The following MED13 variants were observed in gnomAD, a reference collection of about 807,000 sequenced individuals.
The protein encoded by MED13 is mediator complex subunit 13.
Under a neutral mutation model 225.2 loss-of-function variants are expected in MED13, and 23 were observed. The ratio of observed to expected loss-of-function variants is 0.10; its 90% confidence interval spans 0.07 to 0.14. The LOEUF is 0.14. MED13 is among the 10% of genes least tolerant of loss of function. MED13 has a pLI of 1.00. For synonymous variants in MED13, 942 were observed against 889.2 expected (o/e 1.06, Z -1.06); for missense variants, 2,197 against 2,594.5 (o/e 0.85, Z 3.33).
intron 9 of MED13, among the ~76,000 whole-genome samples, chr17:61,997,502 C>T (rs1385296248): frequency 6.6e-6 from 1 of 152,042 alleles, no homozygotes; most frequent in Non-Finnish European, 1.5e-5. Flanking sequence ...TTCACTAATG[C>T]AAATCTTTTT....
chr17:62,048,777 TAA>T (rs1318782152), intron 3 of MED13, among the ~76,000 whole-genome samples: 2 of 151,888 alleles, frequency 1.3e-5, no homozygotes. Context: ...AGGCACCCAA[TAA>T]AAAGAGTCAA....
At chr17:62,021,787 T>C (rs890780616) in intron 8 of MED13, among the ~76,000 whole-genome samples, 2 of 152,166 alleles carry the variant, frequency 1.3e-5, no homozygotes, top group South Asian at 4.2e-4. Flanking sequence ...CGTACTTAAA[T>C]AGCCCTCTCG....
chr17:61,967,442 G>T (rs2080068522), intron 18 of MED13, among the ~76,000 whole-genome samples: 1 of 152,172 alleles, frequency 6.6e-6, no homozygotes, highest in Non-Finnish European at 1.5e-5. Context: ...CTAACATTCA[G>T]ATTGTATAAG....
At chr17:61,999,300 GTTCT>G (rs768914404) in intron 9 of MED13, among the ~76,000 whole-genome samples, 1 of 152,118 alleles carries the variant, frequency 6.6e-6, no homozygotes, top group African/African-American at 2.4e-5. Flanking sequence ...CTCAAATACA[GTTCT>G]TTCTTTGCTC....
chr17:62,039,758 G>GT (rs931131842), intron 3 of MED13, among the ~76,000 whole-genome samples: 12 of 151,692 alleles, frequency 7.9e-5, no homozygotes, highest in Middle Eastern at 3.4e-3. Context: ...CGTCCGGCTA[G>GT]TTTTTTTTGT....
At chr17:62,039,188 T>A (rs2080831527) in intron 3 of MED13, among the ~76,000 whole-genome samples, 1 of 152,178 alleles carries the variant, frequency 6.6e-6, no homozygotes, top group African/African-American at 2.4e-5. Context: ...CCTCCTATAC[T>A]GCTAGCATGT....
At chr17:62,044,638 AAC>A (rs2080883140) in intron 3 of MED13, among the ~76,000 whole-genome samples, 1 of 152,350 alleles carries the variant, frequency 6.6e-6, no homozygotes, top group Admixed American at 6.5e-5. Context: ...TAGACATACA[AAC>A]ACACATATAT....
At position 61,995,244 on chromosome 17, in the gene MED13, G is replaced by A; in HGVS notation, c.2089C>T (p.Pro697Ser). 2 of 1,613,498 alleles carry A rather than the reference G, an allele frequency of 1.2e-6. No homozygotes were observed. The highest frequency in any genetic ancestry group is 1.7e-6 in the Non-Finnish European group (2 of 1,179,716). The change falls in exon 10 of 30, where the codon CCA becomes TCA. Residue 697 changes from proline to serine, a missense_variant. Around this residue, in one of 12 missense-constraint regions of MED13, gnomAD observed 884 missense variants for 918.5 expected, o/e 0.96. Transcript: ENST00000397786. ...TCATCTCCTTCAACAAATGCATATG[G>A]ATCAATTTTAGGTTCTTGTTCTGCA... is the stretch of plus-strand genomic sequence containing the variant. ...SDAEQEPKIDPYAFVEGDEEF... is the reference protein window; with the variant it reads ...SDAEQEPKIDSYAFVEGDEEF...
intron 11 of MED13, among the ~76,000 whole-genome samples, chr17:61,987,930 T>G (rs1269114642): frequency 6.6e-6 from 1 of 151,374 alleles, no homozygotes; most frequent in Non-Finnish European, 1.5e-5. Context: ...TTTCCTCGAG[T>G]TGGGGTTTTG....
intron 11 of MED13, 56 bp downstream of exon 11, chr17:61,992,484 A>C (rs1261301549): frequency 1.9e-6 from 2 of 1,025,938 alleles, no homozygotes; most frequent in Non-Finnish European, 3.1e-6. Flanking sequence ...ATATCAGATC[A>C]GTCTGTAGTA....
At chr17:62,002,989 A>C (rs1010756658) in intron 9 of MED13, among the ~76,000 whole-genome samples, 1 of 152,228 alleles carries the variant, frequency 6.6e-6, no homozygotes, top group Non-Finnish European at 1.5e-5. Context: ...ATTTCTACCT[A>C]CTAGGTGCCA....
intron 8 of MED13, among the ~76,000 whole-genome samples, chr17:62,027,835 T>C (rs1341856388): frequency 2.0e-5 from 3 of 152,180 alleles, no homozygotes; most frequent in Admixed American, 6.5e-5. Flanking sequence ...CACTGATCAT[T>C]AGAGAAATGC....
rs780261465 is a variant in MED13 at position 61,965,166 on chromosome 17, C to T, written c.4684G>A (p.Gly1562Ser). 2.5e-6 allele frequency: 4 copies of T among 1,614,056 alleles called. No individual in the cohort carries two copies. The highest frequency in any genetic ancestry group is 3.4e-6 in the Non-Finnish European group (4 of 1,180,010). Residue 1562 changes from glycine (G) to serine (S), a missense_variant, in exon 20 of 30, where the codon GGC (glycine) becomes AGC (serine). Physicochemically the swap from Gly to Ser is moderately conservative, Grantham distance 56. This residue lies in a region of MED13 where 457 missense variants were observed against 442.2 expected (regional missense o/e 1.03). Transcript: ENST00000397786. ...CCTGCAGCATTACTGTTCATACTGC[C>T]AAAGGGTGGAAACGAAGGTAGTTTA... ...SNKLPSFPPFGSMNSNAAGSM... is the reference protein window; with the variant it reads ...SNKLPSFPPFSSMNSNAAGSM...
intron 27 of MED13, 27 bp from the exon 28 acceptor site, chr17:61,951,025 T>C: frequency 6.3e-7 from 1 of 1,584,764 alleles, no homozygotes; most frequent in Non-Finnish European, 8.6e-7. Context: ...TAAAAGTATA[T>C]TAGTTCACTC....
intron 1 of MED13, 36 bp downstream of exon 1, chr17:62,065,104 C>T: frequency 6.6e-7 from 1 of 1,516,822 alleles, no homozygotes; most frequent in South Asian, 1.2e-5. Context: ...ACCTCGCGGC[C>T]CCCCTCCCTC....
intron 8 of MED13, among the ~76,000 whole-genome samples, chr17:62,024,527 CTAATT>C (rs1444019592): frequency 1.3e-5 from 2 of 151,954 alleles, no homozygotes; most frequent in African/African-American, 4.8e-5. Flanking sequence ...AAAGAAAATC[CTAATT>C]TATTTTTTTC....
intron 27 of MED13, among the ~76,000 whole-genome samples, chr17:61,952,304 G>C: frequency 6.6e-6 from 1 of 152,160 alleles, no homozygotes; most frequent in Middle Eastern, 3.2e-3. Context: ...GATAAAAAGG[G>C]GGAGTAGATG....
rs773472808 is a variant in MED13, at chr17:62,011,150, T to G, written c.1367A>C (p.His456Pro). The change falls in exon 9 of 30, where the codon CAC becomes CCC. Residue 456 changes from histidine to proline, a missense_variant. By Grantham distance (77) the His-to-Pro change is moderately conservative. This residue lies in a region of MED13 where 884 missense variants were observed against 918.5 expected (regional missense o/e 0.96). Transcript: ENST00000397786. ...CTTTTCTTGCTTCTCATTGGTCTTG[T>G]GCTTAGGAAGTATTTGTTGTTGCTG... ...LGQQQQILPK[H>P]KTNEKQEKSE... 1.2e-6 allele frequency: 2 copies of G among 1,614,230 alleles called. No individual in the cohort carries two copies. Among genetic ancestry groups the G allele is most frequent in the South Asian group, 2.2e-5 (2 of 91,072 alleles).
At chr17:61,966,131 G>T (rs755154705) in intron 19 of MED13, among the ~76,000 whole-genome samples, 1 of 152,198 alleles carries the variant, frequency 6.6e-6, no homozygotes, top group Non-Finnish European at 1.5e-5. Context: ...TGTAACAAAT[G>T]AAGAATCTTC....
Sources: allele counts gnomAD v4.1 joint callset (sites outside exome capture counted in the v4.1 genomes callset), GRCh38; gene constraint gnomAD v4.1.1; regional missense constraint gnomAD v4.1.1; transcripts MANE v1.5; gene names NCBI Gene and HGNC (gene_info 2026-07-23, HGNC 2026-07-21).